GABBR2: variants seen among roughly 807,000 people sequenced by gnomAD.
GABBR2 encodes the protein G-protein coupled receptor 51.
A neutral mutation model predicts 105.6 loss-of-function variants in GABBR2; 23 were observed. The observed-to-expected ratio is 0.22, with a 90% CI of 0.16 to 0.31. The LOEUF (loss-of-function observed/expected upper bound fraction) is 0.31, where lower values mean the gene tolerates loss of function less well. Ranked by LOEUF, GABBR2 falls within the 10% of genes least tolerant of loss-of-function variation. GABBR2 has a pLI of 1.00. For missense variants in GABBR2, 734 were observed against 1,245.5 expected (o/e 0.59, Z 6.18); for synonymous variants, 478 against 499.7 (o/e 0.96, Z 0.58).
intron 1 of GABBR2, among the ~76,000 whole-genome samples, chr9:98,677,018 G>A (rs1830485765): frequency 6.6e-6 from 1 of 152,206 alleles, no homozygotes; most frequent in Admixed American, 6.5e-5. Context: ...TGGGACCTCA[G>A]ATGGCCATCC....
intron 3 of GABBR2, among the ~76,000 whole-genome samples, chr9:98,510,366 C>A (rs917154658): frequency 6.6e-6 from 1 of 152,126 alleles, no homozygotes; most frequent in Non-Finnish European, 1.5e-5. Flanking sequence ...CATCAACTAA[C>A]GAGCAAAATA....
intron 13 of GABBR2, among the ~76,000 whole-genome samples, chr9:98,361,803 C>T (rs1482639546): frequency 1.3e-5 from 2 of 152,208 alleles, no homozygotes; most frequent in Admixed American, 1.3e-4. Flanking sequence ...TGCTGCTGCT[C>T]TGAATGCATG....
intron 8 of GABBR2, among the ~76,000 whole-genome samples, chr9:98,400,614 C>T (rs797001152): frequency 3.9e-5 from 6 of 152,298 alleles, no homozygotes; most frequent in African/African-American, 1.4e-4. Context: ...TTGAAAGTGA[C>T]CTGGGTGTCC....
At chr9:98,512,852 T>C (rs1157427232) in intron 3 of GABBR2, among the ~76,000 whole-genome samples, 2 of 152,206 alleles carry the variant, frequency 1.3e-5, no homozygotes, top group African/African-American at 4.8e-5. Flanking sequence ...ATAGATTCAA[T>C]GCCATCCTCA....
chr9:98,458,260 C>G (rs552740868), intron 6 of GABBR2, among the ~76,000 whole-genome samples: 1 of 152,320 alleles, frequency 6.6e-6, no homozygotes, highest in Non-Finnish European at 1.5e-5. Context: ...TGCAACTGAT[C>G]CCCACAGAGG....
chr9:98,362,088 A>G (rs1369064932), intron 13 of GABBR2, among the ~76,000 whole-genome samples: 2 of 152,246 alleles, frequency 1.3e-5, no homozygotes, highest in East Asian at 3.8e-4. Context: ...GCTCAGCTGT[A>G]GCCCGCAAAG....
At chr9:98,298,403 ATC>A (rs372410041) in intron 17 of GABBR2, among the ~76,000 whole-genome samples, 49 of 152,298 alleles carry the variant, frequency 3.2e-4, no homozygotes, top group African/African-American at 1.2e-3. Flanking sequence ...TGTGATGAAC[ATC>A]TCTGTGTTCA....
intron 1 of GABBR2, among the ~76,000 whole-genome samples, chr9:98,651,118 CACACACACAT>C (rs1392484503): frequency 6.7e-6 from 1 of 150,048 alleles, no homozygotes; most frequent in South Asian, 2.1e-4. Flanking sequence ...CACACACCCA[CACACACACAT>C]ACACACACTG....
chr9:98,682,532 C>T (rs781574243), intron 1 of GABBR2, among the ~76,000 whole-genome samples: 19 of 151,896 alleles, frequency 1.3e-4, no homozygotes, highest in Non-Finnish European at 2.4e-4. Flanking sequence ...CCAGCCACCA[C>T]GCCCAGCTAA....
intron 11 of GABBR2, among the ~76,000 whole-genome samples, chr9:98,380,260 C>A (rs930583884): frequency 7.2e-5 from 11 of 152,202 alleles, no homozygotes; most frequent in African/African-American, 2.7e-4. Context: ...GCTGTTACTA[C>A]CCCACGCCCA....
chr9:98,673,915 T>C (rs1830439985), intron 1 of GABBR2, among the ~76,000 whole-genome samples: 1 of 152,202 alleles, frequency 6.6e-6, no homozygotes, highest in Admixed American at 6.5e-5. Context: ...GATAATGGTT[T>C]TTTTTAAGGG....
intron 1 of GABBR2, among the ~76,000 whole-genome samples, chr9:98,682,587 G>A (rs910895402): frequency 5.3e-5 from 8 of 151,828 alleles, no homozygotes; most frequent in African/African-American, 1.9e-4. Context: ...TGTTGAAGAG[G>A]CTGGTCTTGA....
At chr9:98,686,584 T>TG (rs760813415) in intron 1 of GABBR2, among the ~76,000 whole-genome samples, 20 of 152,208 alleles carry the variant, frequency 1.3e-4, no homozygotes, top group South Asian at 6.2e-4. Flanking sequence ...TTGGTAGAGA[T>TG]GGGGTTTCAC....
intron 6 of GABBR2, among the ~76,000 whole-genome samples, chr9:98,466,733 A>C (rs559041908): frequency 7.2e-5 from 11 of 152,374 alleles, no homozygotes; most frequent in Non-Finnish European, 8.8e-5. Context: ...CTTGCACAAC[A>C]TCACTGTATT....
chr9:98,414,553 G>C (rs1832652453), intron 7 of GABBR2, among the ~76,000 whole-genome samples: 1 of 152,172 alleles, frequency 6.6e-6, no homozygotes, highest in African/African-American at 2.4e-5. Flanking sequence ...GGGGTGACTT[G>C]ATCTAAGTCC....
intron 1 of GABBR2, among the ~76,000 whole-genome samples, chr9:98,660,679 C>T (rs572777835): frequency 4.6e-5 from 7 of 152,288 alleles, no homozygotes; most frequent in East Asian, 1.9e-4. Flanking sequence ...AAGGTTTTGG[C>T]GGGGCTGGTT....
At chr9:98,680,408 C>T (rs932033633) in intron 1 of GABBR2, among the ~76,000 whole-genome samples, 1 of 152,110 alleles carries the variant, frequency 6.6e-6, no homozygotes, top group East Asian at 1.9e-4. Flanking sequence ...CAGGTTCACG[C>T]CATTTTCCTG....
chr9:98,290,909 C>T (rs1349090699), intron 18 of GABBR2, among the ~76,000 whole-genome samples, 160 bp from the exon 19 acceptor site: 1 of 152,146 alleles, frequency 6.6e-6, no homozygotes, highest in African/African-American at 2.4e-5. Flanking sequence ...AGCAATCCAG[C>T]AGGTATTTAA....
chr9:98,661,347 C>G (rs745313364), intron 1 of GABBR2, among the ~76,000 whole-genome samples: 13 of 152,142 alleles, frequency 8.5e-5, no homozygotes, highest in Non-Finnish European at 1.5e-4. Context: ...CGCCTCGTGC[C>G]TTGGAGTGTT....
Sources: allele counts gnomAD v4.1 joint callset (sites outside exome capture counted in the v4.1 genomes callset), GRCh38; gene constraint gnomAD v4.1.1; transcripts MANE v1.5; gene names NCBI Gene and HGNC (gene_info 2026-07-23, HGNC 2026-07-21).